Variants in SYNPO2 observed in about 807,000 individuals in gnomAD.
SYNPO2 encodes synaptopodin-2.
Under a neutral mutation model 85.0 loss-of-function variants are expected in SYNPO2, and 56 were observed. The ratio of observed to expected loss-of-function variants is 0.66; its 90% CI spans 0.53 to 0.82. SYNPO2 has a LOEUF of 0.82. Ranked by LOEUF, SYNPO2 falls within the 40% of genes least tolerant of loss-of-function variation. The pLI is 0.00. For synonymous variants in SYNPO2, 602 were observed against 591.1 expected (o/e 1.02, Z -0.27); for missense variants, 1,575 against 1,534.2 (o/e 1.03, Z -0.44).
intron 1 of SYNPO2, among the ~76,000 whole-genome samples, chr4:118,941,972 G>A (rs1423086108): frequency 1.3e-5 from 2 of 152,180 alleles, no homozygotes; most frequent in Admixed American, 6.5e-5. Flanking sequence ...TCCCTGGTTG[G>A]CTGGGTTTCT....
Position 118,879,564 on chromosome 4 carries a change from G to T in SYNPO2, c.12+28624G>T, listed in dbSNP as rs564599909. The stretch of plus-strand genomic sequence containing the variant: ...AGGAAGAGGGCACTCAGCAGACAGT[G>T]GACCTAGCAGCCCTTTGATCTTAGA... On this transcript the variant is annotated intron_variant, in intron 1 of 4. Transcript: ENST00000610556. Among the ~76,000 whole-genome samples the T allele has an allele frequency of 7.6e-4, 115 of 152,260 alleles. 2 individuals carry two copies. In the South Asian group the frequency reaches 0.023, roughly 31 times the overall value.
At chr4:118,977,659 T>C (rs139700326) in intron 1 of SYNPO2, among the ~76,000 whole-genome samples, 1,981 of 152,308 alleles carry the variant, frequency 0.013, 44 homozygotes, top group African/African-American at 0.045. Context: ...ATTCTCCTGA[T>C]GGCAGGGAAG....
chr4:118,894,577 G>C (rs1476756574), intron 1 of SYNPO2, among the ~76,000 whole-genome samples: 1 of 145,476 alleles, frequency 6.9e-6, no homozygotes, highest in African/African-American at 2.5e-5. Context: ...GGGAACATCA[G>C]GGGAACAAAA....
intron 1 of SYNPO2, among the ~76,000 whole-genome samples, chr4:118,913,079 C>T (rs1283701692): frequency 6.6e-6 from 1 of 152,146 alleles, no homozygotes; most frequent in East Asian, 1.9e-4. Context: ...TTACTGTTTG[C>T]TTTGTGCAAC....
At chr4:119,055,066 G>C (rs1739169216) in intron 4 of SYNPO2, among the ~76,000 whole-genome samples, 1 of 152,136 alleles carries the variant, frequency 6.6e-6, no homozygotes, top group South Asian at 2.1e-4. Flanking sequence ...TCACAGTTTA[G>C]AAAACTTCCT....
chr4:119,032,929 T>TTGAC, intron 4 of SYNPO2: 1 of 905,322 alleles, frequency 1.1e-6, no homozygotes, highest in Non-Finnish European at 1.3e-6. Context: ...AAAGGTTGAT[T>TTGAC]CCCACCCTCC....
At position 118,889,669 on chromosome 4, in the gene SYNPO2, G is replaced by T. The variant is rs936673243; in HGVS notation, c.105+528G>T. ...GAAGTGTCATAAAATCTATTTAAAA[G>T]AATACCCTTTTAAGGATTTGACAAA... On this transcript the variant is annotated intron_variant, in intron 1 of 4. Coordinates refer to ENST00000307142, the MANE Select transcript of SYNPO2 (RefSeq NM_133477.3). Among the ~76,000 whole-genome samples the T allele has an allele frequency of 8.5e-5, 13 of 152,092 alleles. No individual in the cohort carries two copies. The East Asian group carries it at 1.9e-3, about 23-fold the overall frequency.
intron 4 of SYNPO2, chr4:119,033,219 A>G (rs1393092931): frequency 1.0e-6 from 1 of 985,160 alleles, no homozygotes. Context: ...AATTATTAGC[A>G]TCATTTCTGA....
chr4:118,910,770 A>G (rs993569948), intron 1 of SYNPO2, among the ~76,000 whole-genome samples: 2 of 152,178 alleles, frequency 1.3e-5, no homozygotes, highest in Non-Finnish European at 2.9e-5. Context: ...GCTAGGTTAA[A>G]AAGAACACAG....
chr4:118,929,128 A>AAAAG (rs112128081), intron 1 of SYNPO2, among the ~76,000 whole-genome samples: 2,277 of 152,152 alleles, frequency 0.015, 50 homozygotes, highest in African/African-American at 0.052. Flanking sequence ...ATAAAGGAAA[A>AAAAG]GTAGGAAGGA....
At chr4:119,044,355 G>A (rs1056102644) in intron 4 of SYNPO2, among the ~76,000 whole-genome samples, 17 of 152,126 alleles carry the variant, frequency 1.1e-4, no homozygotes, top group Non-Finnish European at 2.2e-4. Context: ...TGACATACAT[G>A]AAATTATTGT....
upstream of SYNPO2, chr4:118,888,795 TG>T (rs1173999851): frequency 5.7e-6 from 3 of 524,720 alleles, no homozygotes; most frequent in East Asian, 1.0e-4. Flanking sequence ...GACGCAAGAG[TG>T]GGCTGTGTCC....
chr4:118,877,647 A>G (rs1731950207), intron 1 of SYNPO2, among the ~76,000 whole-genome samples: 1 of 152,222 alleles, frequency 6.6e-6, no homozygotes, highest in Non-Finnish European at 1.5e-5. Flanking sequence ...AATCAGCACC[A>G]CAATGAGATA....
At chr4:118,926,318 G>A (rs965903495) in intron 1 of SYNPO2, among the ~76,000 whole-genome samples, 1 of 152,080 alleles carries the variant, frequency 6.6e-6, no homozygotes, top group Admixed American at 6.6e-5. Flanking sequence ...CTTGAGTCCT[G>A]GTGAGAGAGG....
At chr4:119,017,418 G>A (rs1737561907) in intron 1 of SYNPO2, among the ~76,000 whole-genome samples, 1 of 152,128 alleles carries the variant, frequency 6.6e-6, no homozygotes, top group Non-Finnish European at 1.5e-5. Context: ...GTTGGGGTAA[G>A]GGAATGCTTA....
chr4:118,863,053 C>T (rs1731638382), intron 1 of SYNPO2, among the ~76,000 whole-genome samples: 1 of 152,198 alleles, frequency 6.6e-6, no homozygotes, highest in Admixed American at 6.5e-5. Flanking sequence ...TCGTGACCCA[C>T]CTGCCTTAGC....
At chr4:118,922,989 T>C (rs1432589860) in intron 1 of SYNPO2, among the ~76,000 whole-genome samples, 2 of 152,142 alleles carry the variant, frequency 1.3e-5, no homozygotes, top group Non-Finnish European at 2.9e-5. Context: ...ACAAAGTAAA[T>C]CTTTAAAATA....
intron 1 of SYNPO2, among the ~76,000 whole-genome samples, chr4:118,895,178 A>G (rs1732511181): frequency 6.6e-6 from 1 of 152,194 alleles, no homozygotes; most frequent in Non-Finnish European, 1.5e-5. Context: ...TTATTAAAAC[A>G]GTCAACTTTA....
chr4:119,033,930 A>G, intron 4 of SYNPO2: 1 of 985,396 alleles, frequency 1.0e-6, no homozygotes, highest in Non-Finnish European at 1.2e-6. Context: ...GCTGCAGAAC[A>G]ATGGGGCTGA....
Sources: allele counts gnomAD v4.1 joint callset (sites outside exome capture counted in the v4.1 genomes callset), GRCh38; gene constraint gnomAD v4.1.1; transcripts MANE v1.5; gene names NCBI Gene and HGNC (gene_info 2026-07-23, HGNC 2026-07-21).